RNFT2: variants seen among roughly 807,000 people sequenced by gnomAD.
RNFT2 encodes the protein E3 ubiquitin-protein ligase RNFT2.
A neutral mutation model predicts 53.0 loss-of-function variants in RNFT2; 36 were observed. That is an observed-to-expected ratio of 0.68 (90% confidence interval 0.52 to 0.90). The LOEUF (loss-of-function observed/expected upper bound fraction) is 0.90, where lower values mean the gene tolerates loss of function less well. RNFT2 is among the 40% of genes least tolerant of loss of function. The probability of loss-of-function intolerance (pLI) is 0.00; values close to 1 mark genes in which losing one functional copy is unlikely to be tolerated. For missense variants in RNFT2, 514 were observed against 585.6 expected (o/e 0.88, Z 1.26); for synonymous variants, 260 against 253.2 (o/e 1.03, Z -0.26).
At chr12:116,832,856 T>A (rs1876748150) in intron 7 of RNFT2, among the ~76,000 whole-genome samples, 1 of 150,814 alleles carries the variant, frequency 6.6e-6, no homozygotes, top group South Asian at 2.1e-4. Flanking sequence ...TCCAGCAAGG[T>A]CAGGTTCAAT....
intron 3 of RNFT2, among the ~76,000 whole-genome samples, chr12:116,746,931 C>T (rs1871924465): frequency 6.6e-6 from 1 of 152,156 alleles, no homozygotes; most frequent in South Asian, 2.1e-4. Flanking sequence ...TATGCAGCTG[C>T]TGAAGTCCCT....
chr12:116,806,401 G>T lies in RNFT2; in HGVS notation c.882+27053G>T, dbSNP rs561792334. Among the ~76,000 whole-genome samples the T allele has an allele frequency of 8.6e-3, 1,199 of 139,920 alleles. 11 individuals carry two copies. Among genetic ancestry groups the T allele is most frequent in the South Asian group, 0.027 (114 of 4,158 alleles). The allele number at this position is 139,920 out of a possible 152,430, so 91.8% of individuals were successfully genotyped here. A position where few individuals can be genotyped will look rare whatever the true frequency, so the allele number is the denominator to read the frequency against. On this transcript the variant is annotated intron_variant, in intron 7 of 10. Coordinates refer to ENST00000257575, the MANE Select transcript of RNFT2 (RefSeq NM_001382266.1). ...AAAAAAATATATATATATATATATA[G>T]ATAGATAGATAGATAGATAGATAGA...
At chr12:116,807,894 C>T (rs1003606607) in intron 7 of RNFT2, among the ~76,000 whole-genome samples, 25 of 152,264 alleles carry the variant, frequency 1.6e-4, no homozygotes, top group African/African-American at 5.1e-4. Flanking sequence ...GCCTCAAACT[C>T]CTGGGCTCAA....
At chr12:116,742,902 G>A (rs1205702455) in intron 3 of RNFT2, among the ~76,000 whole-genome samples, 2 of 151,664 alleles carry the variant, frequency 1.3e-5, no homozygotes, top group East Asian at 3.9e-4. Flanking sequence ...GGGCAAAATA[G>A]GGAGACCCTA....
chr12:116,753,940 G>A (rs780118794), intron 4 of RNFT2, 44 bp from the exon 5 acceptor site: 4 of 1,540,920 alleles, frequency 2.6e-6, no homozygotes, highest in Non-Finnish European at 1.8e-6. Flanking sequence ...GGCTAGGCCT[G>A]ATGAGTCTAA....
chr12:116,830,308 G>T (rs1478162855), intron 7 of RNFT2, among the ~76,000 whole-genome samples: 3 of 151,900 alleles, frequency 2.0e-5, no homozygotes, highest in Admixed American at 1.3e-4. Flanking sequence ...TTGTTTTCGA[G>T]ACAGGGTCTT....
chr12:116,747,934 T>C (rs180744893), intron 3 of RNFT2, among the ~76,000 whole-genome samples: 72 of 152,262 alleles, frequency 4.7e-4, no homozygotes, highest in African/African-American at 1.5e-3. Flanking sequence ...CTCATGCCTG[T>C]AATCCCAGCA....
intron 4 of RNFT2, among the ~76,000 whole-genome samples, chr12:116,750,815 TATATTATATATATA>T: frequency 1.9e-3 from 10 of 5,218 alleles, no homozygotes; most frequent in African/African-American, 3.0e-3. Context: ...ATATAATATA[TATATTATATATATA>T]ATATATATAT....
intron 5 of RNFT2, chr12:116,755,508 C>T: frequency 1.1e-6 from 1 of 890,088 alleles, no homozygotes; most frequent in East Asian, 2.4e-5. Context: ...ACCCAGGTAC[C>T]TTTCTCTTCC....
At chr12:116,755,881 G>A (rs1872486496) in intron 5 of RNFT2, 9 of 1,489,346 alleles carry the variant, frequency 6.0e-6, no homozygotes, top group Non-Finnish European at 7.4e-6. Context: ...TCATTTTGGC[G>A]AATTACTAGA....
intron 3 of RNFT2, among the ~76,000 whole-genome samples, chr12:116,742,938 C>G (rs910422165): frequency 6.6e-5 from 10 of 151,188 alleles, no homozygotes; most frequent in African/African-American, 1.9e-4. Context: ...AAAACTTACC[C>G]AGCATGGTGG....
chr12:116,753,909 C>G (rs1473878335), intron 4 of RNFT2, 75 bp from the exon 5 acceptor site: 2 of 1,125,364 alleles, frequency 1.8e-6, no homozygotes, highest in Middle Eastern at 2.0e-4. Context: ...GTGCCTTTTC[C>G]CCCATGTTGC....
intron 7 of RNFT2, among the ~76,000 whole-genome samples, chr12:116,781,931 T>C (rs1330919235): frequency 6.6e-6 from 1 of 151,492 alleles, no homozygotes. Flanking sequence ...ACAAAAAAAT[T>C]AGCTGGGCGT....
intron 6 of RNFT2, among the ~76,000 whole-genome samples, chr12:116,773,475 A>G (rs921666906): frequency 1.3e-5 from 2 of 152,230 alleles, no homozygotes; most frequent in Non-Finnish European, 2.9e-5. Context: ...TTTGATGTTC[A>G]GTTCTTGGCA....
chr12:116,818,320 CAAA>C (rs11380244), intron 7 of RNFT2, among the ~76,000 whole-genome samples: 2 of 141,064 alleles, frequency 1.4e-5, no homozygotes, highest in East Asian at 4.2e-4. Flanking sequence ...GGCCCTATCT[CAAA>C]AAAAAAAAAA....
intron 6 of RNFT2, among the ~76,000 whole-genome samples, chr12:116,776,660 T>C (rs1873442620): frequency 6.6e-6 from 1 of 152,212 alleles, no homozygotes; most frequent in African/African-American, 2.4e-5. Context: ...TGCACCTTTT[T>C]CTGCCAGCCC....
intron 7 of RNFT2, chr12:116,801,224 C>T (rs1163664780): frequency 6.6e-6 from 1 of 152,186 alleles, no homozygotes; most frequent in African/African-American, 2.4e-5. Flanking sequence ...TTGAAGATGT[C>T]CCTTTTCTCA....
chr12:116,821,104 C>T (rs1262549595), intron 7 of RNFT2, among the ~76,000 whole-genome samples: 1 of 152,164 alleles, frequency 6.6e-6, no homozygotes, highest in Non-Finnish European at 1.5e-5. Flanking sequence ...TACTCTTCCC[C>T]TGTTGCCTTC....
intron 10 of RNFT2, among the ~76,000 whole-genome samples, chr12:116,840,734 T>C (rs1269632673): frequency 6.6e-6 from 1 of 152,180 alleles, no homozygotes; most frequent in South Asian, 2.1e-4. Context: ...TCACCCAAGA[T>C]TGACAAGCTG....
Sources: allele counts gnomAD v4.1 joint callset (sites outside exome capture counted in the v4.1 genomes callset), GRCh38; gene constraint gnomAD v4.1.1; transcripts MANE v1.5; gene names NCBI Gene and HGNC (gene_info 2026-07-23, HGNC 2026-07-21).